TANC2: variants seen among roughly 807,000 people sequenced by gnomAD.
TANC2 encodes tetratricopeptide repeat, ankyrin repeat and coiled-coil containing 2, also known as protein TANC2.
Under a neutral mutation model 210.5 loss-of-function variants are expected in TANC2, and 26 were observed. The observed-to-expected ratio is 0.12, with a 90% CI of 0.09 to 0.17. The LOEUF is 0.17. TANC2 is among the 10% of genes least tolerant of loss of function. The pLI is 1.00. For missense variants in TANC2, 2,129 were observed against 2,608.9 expected, an observed-to-expected ratio of 0.82 and a Z score of 4.01; for synonymous variants, 931 against 967.1, an observed-to-expected ratio of 0.96 and a Z score of 0.69.
chr17:63,294,477 T>C (rs72845249), intron 9 of TANC2, among the ~76,000 whole-genome samples: 23,186 of 151,860 alleles, frequency 0.15, 2,101 homozygotes, highest in Middle Eastern at 0.21. Context: ...GACCCTGTCT[T>C]GAAAAAAAAA....
chr17:63,388,858 TTTC>T lies in TANC2; in HGVS notation c.2814+104_2814+106del, dbSNP rs2047870497. The stretch of plus-strand genomic sequence containing the variant: ...CTATTTAGTTGATCTTTGACTTGTC[TTTC>T]TTATTAGCCTTTTATTGATAATTTA... On this transcript the variant is annotated intron_variant, in intron 16 of 27. Transcript: ENST00000689528. The T allele has an allele frequency of 3.5e-6, 3 of 857,134 alleles. No individual in the cohort carries two copies. The African/African-American group carries it at 5.3e-5, about 15-fold the overall frequency. The allele number at this position is 857,134 out of a possible 1,614,324, so 53.1% of individuals were successfully genotyped here.
At chr17:63,050,810 A>G (rs2035556606) in intron 2 of TANC2, among the ~76,000 whole-genome samples, 1 of 152,232 alleles carries the variant, frequency 6.6e-6, no homozygotes, top group Non-Finnish European at 1.5e-5. Context: ...GATAGGGACA[A>G]AAGTCTTATG....
chr17:63,024,169 C>T (rs141791187), intron 2 of TANC2, among the ~76,000 whole-genome samples: 35 of 152,010 alleles, frequency 2.3e-4, no homozygotes, highest in African/African-American at 7.5e-4. Context: ...TTTTGGATCC[C>T]GTGCAAGAAA....
At position 63,200,753 on chromosome 17, in the gene TANC2, A is replaced by G. The variant is rs2041506336; in HGVS notation, c.583-18A>G. The G allele has an allele frequency of 6.2e-7, 1 of 1,605,854 alleles. No homozygotes were observed. Reference sequence around the variant, plus strand: ...GCTGATCAGGTTATCTTACTTATTCATGATTCCAATTTTTCAGACCTCAGC... The same window carrying G: ...GCTGATCAGGTTATCTTACTTATTCGTGATTCCAATTTTTCAGACCTCAGC... On this transcript the variant is annotated intron_variant, in intron 6 of 27. Coordinates refer to ENST00000689528, the Ensembl canonical transcript of TANC2.
intron 3 of TANC2, among the ~76,000 whole-genome samples, chr17:63,076,157 C>T (rs1399798532): frequency 1.3e-5 from 2 of 152,074 alleles, no homozygotes; most frequent in Non-Finnish European, 2.9e-5. Context: ...AACTTCCTCC[C>T]CAAAACCACC....
chr17:63,287,212 T>C (rs961875514), intron 9 of TANC2, among the ~76,000 whole-genome samples: 1 of 152,118 alleles, frequency 6.6e-6, no homozygotes, highest in Non-Finnish European at 1.5e-5. Flanking sequence ...GAATTACAGG[T>C]GTGAGTCACT....
intron 7 of TANC2, among the ~76,000 whole-genome samples, chr17:63,207,774 ATG>A (rs902198322): frequency 5.9e-5 from 9 of 152,158 alleles, no homozygotes; most frequent in African/African-American, 2.2e-4. Context: ...ATTATTAGAA[ATG>A]TGTCTCTTTC....
chr17:63,037,883 T>A (rs1197894709), intron 2 of TANC2, among the ~76,000 whole-genome samples: 1 of 152,208 alleles, frequency 6.6e-6, no homozygotes, highest in African/African-American at 2.4e-5. Context: ...CTAAACTAAC[T>A]TATTAGTTCT....
At chr17:63,405,451 A>G (rs1375370469) in intron 20 of TANC2, among the ~76,000 whole-genome samples, 196 bp downstream of exon 20, 2 of 152,260 alleles carry the variant, frequency 1.3e-5, no homozygotes, top group Non-Finnish European at 2.9e-5. Flanking sequence ...ATCACTTGAT[A>G]CAGATTGTAT....
At chr17:63,194,748 A>G (rs1257462459) in intron 6 of TANC2, among the ~76,000 whole-genome samples, 1 of 152,164 alleles carries the variant, frequency 6.6e-6, no homozygotes, top group African/African-American at 2.4e-5. Flanking sequence ...CTCAAAGGCT[A>G]CTTAGAAGTG....
intron 9 of TANC2, among the ~76,000 whole-genome samples, chr17:63,274,976 A>G (rs924459799): frequency 6.6e-6 from 1 of 152,186 alleles, no homozygotes; most frequent in Admixed American, 6.5e-5. Flanking sequence ...TTTGCTGCCT[A>G]TTACAAGGAA....
chr17:63,215,705 T>A (rs755932069), intron 7 of TANC2, among the ~76,000 whole-genome samples: 1 of 152,080 alleles, frequency 6.6e-6, no homozygotes, highest in Non-Finnish European at 1.5e-5. Context: ...ACACTTTTAT[T>A]TTATTTTATT....
At chr17:63,130,204 G>T (rs897146743) in intron 4 of TANC2, among the ~76,000 whole-genome samples, 2 of 151,776 alleles carry the variant, frequency 1.3e-5, no homozygotes, top group African/African-American at 4.8e-5. Flanking sequence ...TGTTATTTAG[G>T]TAGCACAATA....
Position 62,976,361 on chromosome 17 carries a change from C to T in TANC2, c.-24+9612C>T, listed in dbSNP as rs74436307. Among the ~76,000 whole-genome samples, 672 of 152,050 alleles carry T rather than the reference C, an allele frequency of 4.4e-3. 2 individuals carry two copies. Among genetic ancestry groups the T allele is most frequent in the Non-Finnish European group, 7.5e-3 (507 of 67,980 alleles). ...TGCTCCTTACACCCCTACCCCCAGCCAGTGCCTCAGGTTGACAGCTTTTTG... is the reference window on the plus strand; with the variant it reads ...TGCTCCTTACACCCCTACCCCCAGCTAGTGCCTCAGGTTGACAGCTTTTTG... On this transcript the variant is annotated intron_variant, in intron 1 of 27. Transcript: ENST00000689528.
intron 7 of TANC2, among the ~76,000 whole-genome samples, chr17:63,210,252 C>T (rs1331879858): frequency 6.6e-6 from 1 of 152,210 alleles, no homozygotes; most frequent in Non-Finnish European, 1.5e-5. Flanking sequence ...TCTCTCTGTT[C>T]CTTGACTCCT....
rs772347529 is a variant in TANC2 at position 63,421,635 on chromosome 17, C to T, written c.5905C>T (p.Leu1969=). Residue 1969 remains leucine, a synonymous_variant, in exon 28 of 28, where the codon CTG becomes TTG. Coordinates refer to ENST00000689528, the Ensembl canonical transcript of TANC2. The surrounding 1 kb of genome is among the most constrained non-coding windows in gnomAD (Gnocchi z 6.9). Reference sequence around the variant, plus strand: ...CCTCAGTCCCACGTCTCCAGGCAACCTGCCTCAGCCTGAGTCCTTCAGTCC... The same window carrying T: ...CCTCAGTCCCACGTCTCCAGGCAACTTGCCTCAGCCTGAGTCCTTCAGTCC... 1 of 1,614,068 alleles carries T rather than the reference C, an allele frequency of 6.2e-7. No homozygotes were observed. The highest frequency in any genetic ancestry group is 1.7e-5 in the Admixed American group (1 of 60,034).
chr17:62,978,421 A>G (rs974357236), intron 1 of TANC2: 10 of 152,184 alleles, frequency 6.6e-5, no homozygotes, highest in African/African-American at 2.2e-4. Flanking sequence ...CAAGTTTTAT[A>G]CAGTTCTTTG....
intron 4 of TANC2, among the ~76,000 whole-genome samples, chr17:63,147,565 G>T (rs1219502317): frequency 3.3e-5 from 5 of 152,144 alleles, no homozygotes; most frequent in Non-Finnish European, 7.4e-5. Context: ...AATACAGATT[G>T]CTGGGCCCCC....
At chr17:63,301,753 A>G (rs2044721980) in intron 9 of TANC2, among the ~76,000 whole-genome samples, 1 of 152,030 alleles carries the variant, frequency 6.6e-6, no homozygotes, top group Middle Eastern at 3.2e-3. Flanking sequence ...GATTGTTTCA[A>G]GGGTTTTTCT....
Sources: allele counts gnomAD v4.1 joint callset (sites outside exome capture counted in the v4.1 genomes callset), GRCh38; gene constraint gnomAD v4.1.1; non-coding constraint Gnocchi (gnomAD v3.1); transcripts MANE v1.5; gene names NCBI Gene and HGNC (gene_info 2026-07-23, HGNC 2026-07-21).